The following NECTIN2 variants were observed in gnomAD, a reference collection of about 807,000 sequenced individuals.
NECTIN2 encodes nectin-2.
NECTIN2 carries 23 observed loss-of-function variants against 56.9 expected under a neutral mutation model. The ratio of observed to expected loss-of-function variants is 0.40; its 90% CI spans 0.29 to 0.57. The LOEUF (loss-of-function observed/expected upper bound fraction) is 0.57. NECTIN2 is among the 20% of genes least tolerant of loss of function. The pLI, the probability that NECTIN2 is intolerant of heterozygous loss-of-function variation, is 0.38. For synonymous variants in NECTIN2, 302 were observed against 313.8 expected (o/e 0.96, Z 0.40); for missense variants, 587 against 718.3 (o/e 0.82, Z 2.09).
intron 1 of NECTIN2, among the ~76,000 whole-genome samples, chr19:44,854,330 ACCTTGGTC>A (rs1968938325): frequency 6.6e-6 from 1 of 152,012 alleles, no homozygotes; most frequent in Non-Finnish European, 1.5e-5. Context: ...TGATCCATCC[ACCTTGGTC>A]TCCCAAAGTT....
intron 1 of NECTIN2, among the ~76,000 whole-genome samples, chr19:44,857,924 T>C (rs991439555): frequency 6.6e-6 from 1 of 152,142 alleles, no homozygotes; most frequent in Non-Finnish European, 1.5e-5. Context: ...CAGCATAAGG[T>C]ATCTGCAGGT....
At chr19:44,878,881 C>A in intron 5 of NECTIN2, 1 of 1,291,330 alleles carries the variant, frequency 7.7e-7, no homozygotes, top group African/African-American at 1.5e-5. Context: ...GGTTTTGGCT[C>A]CAGCCTTCCC....
chr19:44,879,117 A>G (rs755688859), intron 5 of NECTIN2, among the ~76,000 whole-genome samples: 31 of 152,074 alleles, frequency 2.0e-4, no homozygotes, highest in Non-Finnish European at 3.8e-4. Flanking sequence ...GATCCTTGAA[A>G]GACGCATTGG....
intron 1 of NECTIN2, among the ~76,000 whole-genome samples, chr19:44,852,710 G>A (rs186248287): frequency 2.6e-5 from 4 of 152,144 alleles, no homozygotes; most frequent in East Asian, 1.9e-4. Context: ...CTGGGGAGGC[G>A]TCAGAGGTGG....
Position 44,874,110 on chromosome 19 carries a change from A to C in NECTIN2, c.893+77A>C, listed in dbSNP as rs1317816503. ...CCTGGACTCCTGGATCTAAGGGAGG[A>C]GGGGCTGGGGGCCTGGACTCCTGGA... On this transcript the variant is annotated intron_variant, in intron 4 of 8. Coordinates refer to ENST00000252483, the MANE Select transcript of NECTIN2 (RefSeq NM_001042724.2). The surrounding 1 kb of genome is among the most constrained non-coding windows in gnomAD (Gnocchi z 6.3). 2 of 1,309,754 alleles carry C rather than the reference A, an allele frequency of 1.5e-6. No homozygotes were observed. Among genetic ancestry groups the C allele is most frequent in the South Asian group, 1.3e-5 (1 of 79,626 alleles). 81.1% of individuals were successfully genotyped at this position (1,309,754 alleles called of 1,614,324 possible). A position where few individuals can be genotyped will look rare whatever the true frequency, so the allele number is the denominator to read the frequency against.
chr19:44,880,134 C>T (rs1406293920), intron 5 of NECTIN2, among the ~76,000 whole-genome samples: 1 of 152,190 alleles, frequency 6.6e-6, no homozygotes, highest in East Asian at 1.9e-4. Context: ...CCCCACGGGC[C>T]CTTCCATACT....
In NECTIN2 at chr19:44,865,634, G is replaced by A. The variant is rs1479176655; in HGVS notation, c.452G>A (p.Arg151Gln). The stretch of plus-strand genomic sequence containing the variant: ...GCCACCTTCCCCAAGGGGTCCGTCC[G>A]AGGGATGACCTGGCTCAGAGTCATA... ...EFATFPKGSV[R>Q]GMTWLRVIAK... The change falls in exon 2 of 9, where the codon CGA (arginine) becomes CAA (glutamine). Residue 151 changes from arginine to glutamine, a missense_variant. Physicochemically the swap from Arg to Gln is conservative, Grantham distance 43. Transcript: ENST00000252483. The surrounding 1 kb of genome is among the most constrained non-coding windows in gnomAD (Gnocchi z 5.2). The A allele has an allele frequency of 1.0e-5, 16 of 1,534,674 alleles. No homozygotes were observed. Among genetic ancestry groups the A allele is most frequent in the Admixed American group, 2.0e-5 (1 of 50,836 alleles).
In NECTIN2 at chr19:44,865,752, G is replaced by A. The variant is rs1485326895; in HGVS notation, c.478+92G>A. 9 of 1,339,620 alleles carry A rather than the reference G, an allele frequency of 6.7e-6. No individual in the cohort carries two copies. Among genetic ancestry groups the A allele is most frequent in the Non-Finnish European group, 8.9e-6 (9 of 1,011,360 alleles). The allele number at this position is 1,339,620 out of a possible 1,614,324, so 83.0% of individuals were successfully genotyped here. ...GTCAGTTTCTCTCTTGGCTTCAGCT[G>A]TGAGGTTCACATTCTCTGTGGGTTT... On this transcript the variant is annotated intron_variant, in intron 2 of 8. Transcript: ENST00000252483. This position sits in a 1 kb window ranked among gnomAD's most constrained non-coding sequence, Gnocchi z 5.2.
chr19:44,884,632 G>A (rs535100907), intron 6 of NECTIN2, among the ~76,000 whole-genome samples: 3 of 152,336 alleles, frequency 2.0e-5, no homozygotes, highest in Admixed American at 6.5e-5. Flanking sequence ...ACAATATGGA[G>A]GAGGAGACAA....
chr19:44,873,870 T>C (rs765087707), intron 3 of NECTIN2, 46 bp from the exon 4 acceptor site: 1 of 1,449,798 alleles, frequency 6.9e-7, no homozygotes, highest in Non-Finnish European at 9.7e-7. Flanking sequence ...GTCCACCCGC[T>C]CTGGGATTCT....
chr19:44,869,975 A>C (rs1479002420), intron 2 of NECTIN2, among the ~76,000 whole-genome samples: 1 of 152,102 alleles, frequency 6.6e-6, no homozygotes, highest in African/African-American at 2.4e-5. Context: ...AGAGAGAGAG[A>C]GATAACCTCA....
rs2122664212 is a variant in NECTIN2, at chr19:44,865,229, C to T, written c.89-42C>T. ...GCCCTGCCTGGAGGTGTCTGGGTCCCTCCCCCACCCGACTACTTCACTCTC... is the reference window on the plus strand; with the variant it reads ...GCCCTGCCTGGAGGTGTCTGGGTCCTTCCCCCACCCGACTACTTCACTCTC... On this transcript the variant is annotated intron_variant, in intron 1 of 8. Coordinates refer to ENST00000252483, the MANE Select transcript of NECTIN2 (RefSeq NM_001042724.2). The surrounding 1 kb of genome is among the most constrained non-coding windows in gnomAD (Gnocchi z 5.2). 1 of 1,554,708 alleles carries T rather than the reference C, an allele frequency of 6.4e-7. No homozygotes were observed. The highest frequency in any genetic ancestry group is 8.7e-7 in the Non-Finnish European group (1 of 1,145,566).
intron 5 of NECTIN2, among the ~76,000 whole-genome samples, chr19:44,876,537 G>A (rs539421851): frequency 4.6e-5 from 7 of 152,156 alleles, no homozygotes; most frequent in Non-Finnish European, 7.4e-5. Context: ...TAGAAATCCC[G>A]TCTCAAGCAG....
Position 44,874,574 on chromosome 19 carries a change from C to A in NECTIN2, c.1042+96C>A. On this transcript the variant is annotated intron_variant, in intron 5 of 8. Coordinates refer to ENST00000252483, the MANE Select transcript of NECTIN2 (RefSeq NM_001042724.2). The surrounding 1 kb of genome is among the most constrained non-coding windows in gnomAD (Gnocchi z 6.3). The stretch of plus-strand genomic sequence containing the variant: ...GGGGCTGCACTGGGGGAGGCTGCGC[C>A]GCCGACCTGGGAGGGATGCAGACCT... 2 of 1,494,920 alleles carry A rather than the reference C, an allele frequency of 1.3e-6. No homozygotes were observed. Among genetic ancestry groups the A allele is most frequent in the South Asian group, 2.4e-5 (2 of 84,570 alleles). 92.6% of individuals were successfully genotyped at this position (1,494,920 alleles called of 1,614,324 possible). A position where few individuals can be genotyped will look rare whatever the true frequency, so the allele number is the denominator to read the frequency against.
intron 3 of NECTIN2, among the ~76,000 whole-genome samples, chr19:44,872,815 AT>A (rs1422599251): frequency 4.2e-5 from 6 of 143,174 alleles, no homozygotes; most frequent in East Asian, 3.9e-4. Context: ...TTATTATTAT[AT>A]TTTTATATAT....
intron 1 of NECTIN2, among the ~76,000 whole-genome samples, chr19:44,857,713 T>G (rs1040744408): frequency 2.0e-5 from 3 of 149,474 alleles, no homozygotes; most frequent in Non-Finnish European, 4.5e-5. Context: ...TTGTTTTTGT[T>G]TTTTTTTTTT....
At chr19:44,864,164 G>T (rs1000695499) in intron 1 of NECTIN2, among the ~76,000 whole-genome samples, 1 of 130,396 alleles carries the variant, frequency 7.7e-6, no homozygotes, top group African/African-American at 2.6e-5. Context: ...GCGAGACATT[G>T]TCTCTACCAA....
intron 1 of NECTIN2, among the ~76,000 whole-genome samples, chr19:44,861,229 A>C (rs1969028916): frequency 6.6e-6 from 1 of 152,216 alleles, no homozygotes; most frequent in Admixed American, 6.6e-5. Flanking sequence ...CCTCTATGGC[A>C]AACAGCATGG....
At chr19:44,884,952 C>T (rs1340644787) in intron 6 of NECTIN2, among the ~76,000 whole-genome samples, 1 of 152,166 alleles carries the variant, frequency 6.6e-6, no homozygotes, top group Non-Finnish European at 1.5e-5. Flanking sequence ...CTGGAGACAC[C>T]TTGCTGACGA....
Sources: allele counts gnomAD v4.1 joint callset (sites outside exome capture counted in the v4.1 genomes callset), GRCh38; gene constraint gnomAD v4.1.1; non-coding constraint Gnocchi (gnomAD v3.1); transcripts MANE v1.5; gene names NCBI Gene and HGNC (gene_info 2026-07-23, HGNC 2026-07-21).